The following CSMD1 variants were observed in gnomAD, a reference collection of about 807,000 sequenced individuals.
CSMD1 encodes the protein CUB and sushi domain-containing protein 1.
In CSMD1, 213 loss-of-function variants were observed where a neutral mutation model predicts 417.5. The observed-to-expected ratio is 0.51, with a 90% CI of 0.46 to 0.57. The LOEUF (loss-of-function observed/expected upper bound fraction) is 0.57. Among genes scored for constraint, CSMD1 ranks in the 20% least tolerant of loss-of-function variants. The pLI is 0.00. For synonymous variants in CSMD1, 2,862 were observed against 1,736.8 expected, an observed-to-expected ratio of 1.65 and a Z score of -16.11; for missense variants, 6,923 against 4,529.7, an observed-to-expected ratio of 1.53 and a Z score of -15.17.
At chr8:3,626,172 C>T (rs1796483532) in intron 7 of CSMD1, among the ~76,000 whole-genome samples, 1 of 152,176 alleles carries the variant, frequency 6.6e-6, no homozygotes, top group Non-Finnish European at 1.5e-5. Flanking sequence ...GTCTCTATGC[C>T]TCCGGCTGGC....
chr8:4,958,785 G>T (rs1054055137), intron 1 of CSMD1, among the ~76,000 whole-genome samples: 5 of 152,140 alleles, frequency 3.3e-5, no homozygotes, highest in Non-Finnish European at 7.4e-5. Context: ...AGTGAAAAAA[G>T]CGGGGCTTTC....
At chr8:4,252,123 AAC>A (rs1385618102) in intron 3 of CSMD1, among the ~76,000 whole-genome samples, 3 of 152,196 alleles carry the variant, frequency 2.0e-5, no homozygotes, top group Admixed American at 6.5e-5. Context: ...GAACTACTGA[AAC>A]ACACAATTTC....
chr8:4,644,518 C>T (rs181940224), intron 1 of CSMD1, among the ~76,000 whole-genome samples: 21 of 152,184 alleles, frequency 1.4e-4, no homozygotes, highest in Non-Finnish European at 2.6e-4. Flanking sequence ...GTGATCCTCC[C>T]GCCTCAACCT....
At chr8:4,139,972 ATG>A (rs1803683050) in intron 3 of CSMD1, among the ~76,000 whole-genome samples, 1 of 77,084 alleles carries the variant, frequency 1.3e-5, no homozygotes, top group Non-Finnish European at 3.9e-5. Context: ...AACTATGTTT[ATG>A]TGGGCAGGGG....
chr8:4,655,802 G>C (rs1022046323), intron 1 of CSMD1, among the ~76,000 whole-genome samples: 1 of 152,060 alleles, frequency 6.6e-6, no homozygotes, highest in African/African-American at 2.4e-5. Context: ...ATTACTCAAA[G>C]ACCTCCAACA....
chr8:3,868,457 C>T (rs1225149885), intron 5 of CSMD1, among the ~76,000 whole-genome samples: 1 of 152,114 alleles, frequency 6.6e-6, no homozygotes, highest in Non-Finnish European at 1.5e-5. Context: ...ATGCCACCTG[C>T]ATCAGCCAAA....
At chr8:4,418,470 TG>T (rs893851293) in intron 3 of CSMD1, among the ~76,000 whole-genome samples, 2 of 152,148 alleles carry the variant, frequency 1.3e-5, no homozygotes, top group African/African-American at 4.8e-5. Flanking sequence ...ACATTAATTT[TG>T]GGAATCTAAC....
chr8:4,450,643 A>G (rs1338213344), intron 2 of CSMD1, among the ~76,000 whole-genome samples: 1 of 152,124 alleles, frequency 6.6e-6, no homozygotes, highest in African/African-American at 2.4e-5. Context: ...AGAAAAAAAA[A>G]TTTGGTACTT....
chr8:4,761,882 T>TAC (rs1563319173), intron 1 of CSMD1, among the ~76,000 whole-genome samples: 18 of 97,228 alleles, frequency 1.9e-4, no homozygotes, highest in South Asian at 6.7e-4. Flanking sequence ...TATCTATCTA[T>TAC]CTATCTACCT....
chr8:3,658,117 T>TA (rs1190583377), intron 7 of CSMD1, among the ~76,000 whole-genome samples: 4 of 152,034 alleles, frequency 2.6e-5, no homozygotes, highest in African/African-American at 9.7e-5. Flanking sequence ...TATCATCAAA[T>TA]AAAAAACCAA....
At chr8:3,875,338 G>A (rs566805701) in intron 5 of CSMD1, among the ~76,000 whole-genome samples, 1 of 152,306 alleles carries the variant, frequency 6.6e-6, no homozygotes, top group South Asian at 2.1e-4. Flanking sequence ...AGGTGAAGGA[G>A]AATTAGATAC....
rs1667757723 is a variant in CSMD1, at chr8:2,962,526, A to T, written c.9568T>A (p.Ser3190Thr). 2 of 1,613,758 alleles carry T rather than the reference A, an allele frequency of 1.2e-6. No individual in the cohort carries two copies. The highest frequency in any genetic ancestry group is 1.3e-5 in the African/African-American group (1 of 74,912). Residue 3190 changes from serine to threonine, a missense_variant, in exon 61 of 70, where the codon TCC (serine) becomes ACC (threonine). Physicochemically the swap from Ser to Thr is moderately conservative, Grantham distance 58 (BLOSUM62 1). Coordinates refer to ENST00000635120, the MANE Select transcript of CSMD1 (RefSeq NM_033225.6). ...QCKSPFILVG[S>T]SRRVCQADGT... ...TCAGCTTGGCAGACTCTTCTGGAGGATCCCACGAGTATAAATGGAGATTTG... is the reference window on the plus strand; with the variant it reads ...TCAGCTTGGCAGACTCTTCTGGAGGTTCCCACGAGTATAAATGGAGATTTG...
rs1032619329 is a variant in CSMD1 at position 3,270,704 on chromosome 8, C to G, written c.4153+13440G>C. 3.3e-5 allele frequency among the ~76,000 whole-genome samples: 5 copies of G among 152,210 alleles called. No homozygotes were observed. The South Asian group carries it at 1.0e-3, about 32-fold the overall frequency. On this transcript the variant is annotated intron_variant, in intron 26 of 69. Transcript: ENST00000635120. ...AACATACAAAACCATTTACTTTAAACTATTTATCAACAGTGGATGTAAAAT... is the reference window on the plus strand; with the variant it reads ...AACATACAAAACCATTTACTTTAAAGTATTTATCAACAGTGGATGTAAAAT...
chr8:3,807,275 A>T (rs1310604998), intron 5 of CSMD1, among the ~76,000 whole-genome samples: 1 of 152,172 alleles, frequency 6.6e-6, no homozygotes, highest in East Asian at 1.9e-4. Context: ...CAGAAACTTA[A>T]GCAACCTATA....
intron 26 of CSMD1, among the ~76,000 whole-genome samples, chr8:3,268,733 C>A (rs558567121): frequency 1.3e-5 from 2 of 152,200 alleles, no homozygotes; most frequent in South Asian, 2.1e-4. Context: ...CCATGGGGTA[C>A]TGTTGTCTAC....
At chr8:4,520,688 G>A (rs73660892) in intron 2 of CSMD1, among the ~76,000 whole-genome samples, 27 of 152,198 alleles carry the variant, frequency 1.8e-4, no homozygotes, top group Non-Finnish European at 3.1e-4. Context: ...TGAAAGTCTT[G>A]TTTGTATGTG....
At chr8:3,550,565 T>C (rs953306398) in intron 10 of CSMD1, among the ~76,000 whole-genome samples, 1 of 152,228 alleles carries the variant, frequency 6.6e-6, no homozygotes, top group African/African-American at 2.4e-5. Context: ...TCTCAAACAC[T>C]TATCTTATGG....
intron 1 of CSMD1, among the ~76,000 whole-genome samples, chr8:4,824,206 T>C (rs1352708994): frequency 1.3e-5 from 2 of 152,052 alleles, no homozygotes; most frequent in Admixed American, 6.6e-5. Context: ...TCTCTACCTA[T>C]AACATGTAAT....
At chr8:4,615,614 C>A (rs1801429138) in intron 2 of CSMD1, among the ~76,000 whole-genome samples, 1 of 152,072 alleles carries the variant, frequency 6.6e-6, no homozygotes, top group Non-Finnish European at 1.5e-5. Context: ...GGCGCTATAG[C>A]CAAAAGTCAT....
Sources: gnomAD v4.1 joint callset for allele counts (sites outside exome capture counted in the v4.1 genomes callset) on GRCh38, gnomAD v4.1.1 for gene constraint, MANE v1.5 for transcripts, NCBI Gene and HGNC (gene_info 2026-07-23, HGNC 2026-07-21) for gene names.